LAMA4: variants seen among roughly 807,000 people sequenced by gnomAD.
LAMA4 encodes laminin subunit alpha-4.
Under a neutral mutation model 207.1 loss-of-function variants are expected in LAMA4, and 127 were observed. The ratio of observed to expected loss-of-function variants is 0.61; its 90% CI spans 0.53 to 0.71. The LOEUF (loss-of-function observed/expected upper bound fraction) is 0.71, where lower values mean the gene tolerates loss of function less well. LAMA4 is among the 30% of genes least tolerant of loss of function. The pLI is 0.00. For missense variants in LAMA4, 2,093 were observed against 2,246.5 expected (o/e 0.93, Z 1.38); for synonymous variants, 761 against 816.0 (o/e 0.93, Z 1.15).
chr6:112,243,615 A>G (rs983926812), intron 2 of LAMA4, among the ~76,000 whole-genome samples: 1 of 152,188 alleles, frequency 6.6e-6, no homozygotes, highest in Admixed American at 6.5e-5. Context: ...CTCATAGTCT[A>G]GCTCTACTCA....
chr6:112,126,393 A>G (rs955196880), intron 31 of LAMA4, among the ~76,000 whole-genome samples: 1 of 152,202 alleles, frequency 6.6e-6, no homozygotes, highest in Non-Finnish European at 1.5e-5. Flanking sequence ...ATTTTATAGT[A>G]TACTCTGAAA....
chr6:112,215,948 G>A (rs904183910), intron 3 of LAMA4, among the ~76,000 whole-genome samples: 2 of 152,142 alleles, frequency 1.3e-5, no homozygotes, highest in Admixed American at 1.3e-4. Flanking sequence ...CTATAGACCT[G>A]GTTATTTTAG....
intron 2 of LAMA4, among the ~76,000 whole-genome samples, chr6:112,223,157 C>T (rs940777030): frequency 9.2e-5 from 14 of 152,124 alleles, no homozygotes; most frequent in African/African-American, 3.4e-4. Context: ...TATGGTTACA[C>T]AACATAGCCT....
chr6:112,117,753 C>T lies in LAMA4; in HGVS notation c.4967G>A (p.Gly1656Glu), dbSNP rs41289900. The change falls in exon 35 of 39, where the codon GGA becomes GAA. Residue 1656 changes from glycine to glutamate, a missense_variant. By Grantham distance (98) the Gly-to-Glu change is moderately conservative (BLOSUM62 -2). Coordinates refer to ENST00000230538, the MANE Select transcript of LAMA4 (RefSeq NM_001105206.3). The surrounding 1 kb of genome is among the most constrained non-coding windows in gnomAD (Gnocchi z 4.5). ...ACTAATGTTACCTAGAACCACGTAT[C>T]CTCCTTCTGTTGAAAAGTAAGTTCC... ...ETGTYFSTEG[G>E]YVVLDESFNI... 3.7e-6 allele frequency: 6 copies of T among 1,613,348 alleles called. No homozygotes were observed. The highest frequency in any genetic ancestry group is 1.3e-5 in the African/African-American group (1 of 74,856).
intron 19 of LAMA4, 99 bp downstream of exon 19, chr6:112,144,695 A>G (rs961984472): frequency 8.8e-6 from 12 of 1,358,632 alleles, no homozygotes; most frequent in Non-Finnish European, 1.2e-5. Flanking sequence ...TGGAGAATAC[A>G]GCAGAAAGGT....
chr6:112,216,357 C>A lies in LAMA4; in HGVS notation c.297+11G>T, dbSNP rs782575264. ...TGAAGTACGTGAAGTGTTATAGGTG[C>A]CCCAACTTACCACACAGTATCCTGA... On this transcript the variant is annotated intron_variant, in intron 3 of 38. Transcript: ENST00000230538. 2.6e-6 allele frequency: 4 copies of A among 1,565,936 alleles called. No homozygotes were observed. The highest frequency in any genetic ancestry group is 3.3e-4 in the Middle Eastern group (2 of 5,986).
chr6:112,172,914 T>C (rs1781809252), intron 11 of LAMA4, 110 bp from the exon 12 acceptor site: 11 of 797,992 alleles, frequency 1.4e-5, no homozygotes, highest in South Asian at 1.0e-4. Context: ...TCTTTAGCAA[T>C]GGAGATTGAA....
chr6:112,142,618 A>G (rs9487826), intron 19 of LAMA4, among the ~76,000 whole-genome samples: 25 of 152,338 alleles, frequency 1.6e-4, no homozygotes, highest in African/African-American at 6.0e-4. Context: ...TACAATTCAC[A>G]AGGCTCATAC....
chr6:112,220,102 A>T (rs1554360063), intron 2 of LAMA4, among the ~76,000 whole-genome samples: 1 of 152,198 alleles, frequency 6.6e-6, no homozygotes, highest in East Asian at 1.9e-4. Context: ...TAATAGACAC[A>T]ATACTTAAAA....
chr6:112,246,559 C>T (rs149940346), intron 2 of LAMA4, among the ~76,000 whole-genome samples: 188 of 146,668 alleles, frequency 1.3e-3, no homozygotes, highest in African/African-American at 4.4e-3. Context: ...CTCGCTCTGT[C>T]GCCCAGGCTG....
chr6:112,164,324 T>C (rs553208229), intron 13 of LAMA4, among the ~76,000 whole-genome samples: 30 of 152,202 alleles, frequency 2.0e-4, no homozygotes, highest in African/African-American at 6.7e-4. Flanking sequence ...GAGTGGGCAT[T>C]CTAGAATAAG....
intron 2 of LAMA4, 34 bp from the exon 3 acceptor site, chr6:112,216,503 G>T: frequency 7.1e-7 from 1 of 1,404,184 alleles, no homozygotes; most frequent in South Asian, 1.2e-5. Flanking sequence ...TTTGATTATT[G>T]AAAAGATTGA....
At chr6:112,116,395 T>C (rs1251900817) in intron 35 of LAMA4, among the ~76,000 whole-genome samples, 2 of 152,192 alleles carry the variant, frequency 1.3e-5, no homozygotes, top group African/African-American at 4.8e-5. Flanking sequence ...CCACTGTGGC[T>C]GGACTGTCCC....
intron 2 of LAMA4, among the ~76,000 whole-genome samples, chr6:112,232,705 T>G (rs1554364773): frequency 6.6e-6 from 1 of 152,032 alleles, no homozygotes; most frequent in Non-Finnish European, 1.5e-5. Flanking sequence ...CAAACTAAAG[T>G]GAAAAGAAAA....
chr6:112,134,644 CTATT>C (rs1779228041), intron 25 of LAMA4, 35 bp from the exon 26 acceptor site: 1 of 1,514,262 alleles, frequency 6.6e-7, no homozygotes, highest in Non-Finnish European at 9.1e-7. Context: ...CCTTGATTAA[CTATT>C]TAATATTCAG....
At chr6:112,212,699 A>C (rs537731634) in intron 3 of LAMA4, among the ~76,000 whole-genome samples, 1 of 152,250 alleles carries the variant, frequency 6.6e-6, no homozygotes, top group Non-Finnish European at 1.5e-5. Flanking sequence ...GGTTTGCAAC[A>C]GATGGAAAAA....
chr6:112,180,087 T>C (rs533321446), intron 9 of LAMA4: 9 of 363,976 alleles, frequency 2.5e-5, no homozygotes, highest in Non-Finnish European at 4.8e-5. Context: ...AATGAGTTGA[T>C]CTTTGATCCA....
chr6:112,150,595 G>T lies in LAMA4; in HGVS notation c.2089C>A (p.Arg697Ser). The T allele has an allele frequency of 6.2e-7, 1 of 1,613,882 alleles. No individual in the cohort carries two copies. The highest frequency in any genetic ancestry group is 8.5e-7 in the Non-Finnish European group (1 of 1,179,844). Residue 697 changes from arginine (R) to serine (S), a missense_variant, in exon 17 of 39, where the codon CGT becomes AGT. Coordinates refer to ENST00000230538, the MANE Select transcript of LAMA4 (RefSeq NM_001105206.3). ...SDEAVADTSR[R>S]VGGALARKSA... is the part of the protein sequence containing the mutation. ...TTCCTTGCTAGGGCTCCACCCACAC[G>T]CCTGCTAGTGTCAGCCACTGCTTCA... is the stretch of plus-strand genomic sequence containing the variant.
chr6:112,172,843 T>C (rs534439021), intron 11 of LAMA4, 39 bp from the exon 12 acceptor site: 7 of 1,556,252 alleles, frequency 4.5e-6, no homozygotes, highest in Non-Finnish European at 6.2e-6. Context: ...TGTGGCTTTC[T>C]CCTGTTCGCT....
Sources: gnomAD v4.1 joint callset for allele counts (sites outside exome capture counted in the v4.1 genomes callset) on GRCh38, gnomAD v4.1.1 for gene constraint, Gnocchi (gnomAD v3.1) non-coding constraint, MANE v1.5 for transcripts, NCBI Gene and HGNC (gene_info 2026-07-23, HGNC 2026-07-21) for gene names.